ODF4: variants seen among roughly 807,000 people sequenced by gnomAD.
ODF4 encodes the protein outer dense fiber of sperm tails 4.
ODF4 carries 11 observed loss-of-function variants against 17.0 expected under a neutral mutation model. The observed-to-expected ratio is 0.65, with a 90% CI of 0.41 to 1.07. The LOEUF is 1.07. Ranked by LOEUF, ODF4 falls within the 50% of genes least tolerant of loss-of-function variation. The pLI is 0.00. For missense variants in ODF4, 281 were observed against 310.2 expected, an observed-to-expected ratio of 0.91 and a Z score of 0.71; for synonymous variants, 127 against 121.8, an observed-to-expected ratio of 1.04 and a Z score of -0.28.
At chr17:8,341,025 C>A (rs188967175) in intron 1 of ODF4, among the ~76,000 whole-genome samples, 1 of 152,112 alleles carries the variant, frequency 6.6e-6, no homozygotes, top group Non-Finnish European at 1.5e-5. Context: ...CCCGTCTCTA[C>A]TAAAAATACA....
Position 8,340,379 on chromosome 17 carries a change from A to G in ODF4, c.328A>G (p.Ser110Gly), listed in dbSNP as rs376563795. The G allele has an allele frequency of 6.2e-7, 1 of 1,613,484 alleles. No individual in the cohort carries two copies. ...FSKKWLDLSR[S>G]LFYQRWPVDV... ...CAAGAAATGGCTGGACCTCTCTAGG[A>G]GCCTCTTCTACCAGCGCTGGCCCGT... Residue 110 changes from serine (S) to glycine (G), a missense_variant, in exon 1 of 3, where the codon AGC becomes GGC. Coordinates refer to ENST00000328248, the MANE Select transcript of ODF4 (RefSeq NM_153007.5).
chr17:8,339,875 G>A lies in ODF4; in HGVS notation c.-177G>A, dbSNP rs1056327575. 1.4e-5 allele frequency: 6 copies of A among 441,264 alleles called. No homozygotes were observed. In the Admixed American group the frequency reaches 1.6e-4, roughly 12 times the overall value. 27.3% of individuals were successfully genotyped at this position (441,264 alleles called of 1,614,324 possible). On this transcript the variant is annotated 5_prime_UTR_variant, in exon 1 of 3. The change creates a premature stop within an existing upstream ORF in the 5' untranslated region. Transcript: ENST00000328248. Reference sequence around the variant, plus strand: ...GGGGACCTGGCCTGCTGAATGGGTTGGGGCCTTCTCTTGGATCAAGAGTCT... The same window carrying A: ...GGGGACCTGGCCTGCTGAATGGGTTAGGGCCTTCTCTTGGATCAAGAGTCT...
Position 8,340,139 on chromosome 17 carries a change from G to T in ODF4, c.88G>T (p.Gly30Trp), listed in dbSNP as rs771789381. 1.9e-6 allele frequency: 3 copies of T among 1,567,552 alleles called. No individual in the cohort carries two copies. Among genetic ancestry groups the T allele is most frequent in the South Asian group, 1.2e-5 (1 of 82,346 alleles). The change falls in exon 1 of 3, where the codon GGG (glycine) becomes TGG (tryptophan). Residue 30 changes from glycine (G) to tryptophan (W), a missense_variant. Coordinates refer to ENST00000328248, the MANE Select transcript of ODF4 (RefSeq NM_153007.5). ...HQRPGKERKS[G>W]EAGWGTGELG... ...GAGACCTGGAAAGGAAAGGAAGAGT[G>T]GGGAGGCAGGATGGGGCACAGGTGA...
rs1567687238 is a variant in ODF4 at position 8,340,339 on chromosome 17, G to A, written c.288G>A (p.Leu96=). The change falls in exon 1 of 3, where the codon TTG becomes TTA. Residue 96 remains leucine, a synonymous_variant. Transcript: ENST00000328248. ...ELSLVAFILL[L]VVAFSKKWLD... ...GCCTGGTTGCCTTTATCCTACTATT[G>A]GTCGTGGCCTTCTCCAAGAAATGGC... 1.2e-6 allele frequency: 2 copies of A among 1,612,962 alleles called. No individual in the cohort carries two copies. Among genetic ancestry groups the A allele is most frequent in the Non-Finnish European group, 1.7e-6 (2 of 1,179,504 alleles).
In ODF4 at chr17:8,345,860, T is replaced by G; in HGVS notation, c.*8T>G. On this transcript the variant is annotated 3_prime_UTR_variant, in exon 3 of 3. Coordinates refer to ENST00000328248, the MANE Select transcript of ODF4 (RefSeq NM_153007.5). The surrounding 1 kb of genome is among the most constrained non-coding windows in gnomAD (Gnocchi z 4.1). ...AAGGATACACATGTGTAATCTTTTC[T>G]GAACTCCTGGCACCAAGTTCTGTCC... is the stretch of plus-strand genomic sequence containing the variant. The G allele has an allele frequency of 6.2e-7, 1 of 1,611,504 alleles. No homozygotes were observed. Among genetic ancestry groups the G allele is most frequent in the Non-Finnish European group, 8.5e-7 (1 of 1,177,914 alleles).
In ODF4 at chr17:8,345,240, C is replaced by G. The variant is rs376923904; in HGVS notation, c.455-103C>G. Reference sequence around the variant, plus strand: ...TCCTGGAACCTCAGGGCCAGTCACTCTGTGTGTGGTGATGTGGTTTGTGGC... The same window carrying G: ...TCCTGGAACCTCAGGGCCAGTCACTGTGTGTGTGGTGATGTGGTTTGTGGC... On this transcript the variant is annotated intron_variant, in intron 1 of 2. Transcript: ENST00000328248. The surrounding 1 kb of genome is among the most constrained non-coding windows in gnomAD (Gnocchi z 4.1). The G allele has an allele frequency of 1.0e-4, 114 of 1,091,470 alleles. No individual in the cohort carries two copies. The South Asian group carries it at 1.6e-3, about 15-fold the overall frequency. The allele number at this position is 1,091,470 out of a possible 1,614,324, so 67.6% of individuals were successfully genotyped here.
chr17:8,344,749 C>T lies in ODF4; in HGVS notation c.455-594C>T, dbSNP rs542103488. 11 of 408,520 alleles carry T rather than the reference C, an allele frequency of 2.7e-5. No individual in the cohort carries two copies. The East Asian group carries it at 6.4e-4, about 24-fold the overall frequency. 25.3% of individuals were successfully genotyped at this position (408,520 alleles called of 1,614,324 possible). A position where few individuals can be genotyped will look rare whatever the true frequency, so the allele number is the denominator to read the frequency against. ...TGATCCACCTGCCTCGGCCTCCCAA[C>T]GTGCTAGGATTACAGGCGTGAGTCA... On this transcript the variant is annotated intron_variant, in intron 1 of 2. Coordinates refer to ENST00000328248, the MANE Select transcript of ODF4 (RefSeq NM_153007.5).
chr17:8,341,763 AT>A (rs1173913111), intron 1 of ODF4, among the ~76,000 whole-genome samples: 2 of 132,174 alleles, frequency 1.5e-5, no homozygotes, highest in African/African-American at 6.1e-5. Context: ...CCTTATTTCC[AT>A]TTTTTCACTC....
intron 1 of ODF4, among the ~76,000 whole-genome samples, chr17:8,343,843 T>C (rs1906124404): frequency 8.5e-6 from 1 of 117,542 alleles, no homozygotes; most frequent in Admixed American, 8.3e-5. Flanking sequence ...TGTGTGTGTG[T>C]GTGTGTCTAT....
chr17:8,342,561 G>A (rs1412965746), intron 1 of ODF4, among the ~76,000 whole-genome samples: 1 of 152,092 alleles, frequency 6.6e-6, no homozygotes. Flanking sequence ...AAACATCACT[G>A]ATTTTTAAAA....
In ODF4 at chr17:8,340,235, C is replaced by T. The variant is rs1427155757; in HGVS notation, c.184C>T (p.Gln62Ter). The change falls in exon 1 of 3, where the codon CAG (glutamine) becomes TAG (stop). Residue 62 changes from glutamine (Q) to a stop codon, truncating the protein, a stop_gained. Coordinates refer to ENST00000328248, the MANE Select transcript of ODF4 (RefSeq NM_153007.5). LOFTEE classifies it high-confidence loss of function. ...TAGTAACAGGTCCTTGGGCCAGCGC[C>T]AGAACTCTCCGCTGCCCTTTCAATG... The part of the protein sequence containing the change: ...LSSNRSLGQR[Q>*]NSPLPFQWRI... The T allele has an allele frequency of 1.3e-5, 21 of 1,614,054 alleles. No individual in the cohort carries two copies. In the South Asian group the frequency reaches 2.2e-4, roughly 17 times the overall value.
In ODF4 at chr17:8,345,427, G is replaced by T. The variant is rs779997174; in HGVS notation, c.539G>T (p.Gly180Val). The T allele has an allele frequency of 2.5e-6, 4 of 1,613,860 alleles. No individual in the cohort carries two copies. The highest frequency in any genetic ancestry group is 3.4e-6 in the Non-Finnish European group (4 of 1,179,884). ...GAAAGGAATGTATCCATCCCCATAG[G>T]CTGGAGCTATTTCATTGGTTGGCTG... ...ELERNVSIPIGWSYFIGWLVL... is the reference protein window; with the variant it reads ...ELERNVSIPIVWSYFIGWLVL... Residue 180 changes from glycine to valine, a missense_variant, in exon 2 of 3, where the codon GGC becomes GTC. Gly to Val is a moderately radical substitution (Grantham distance 109). Coordinates refer to ENST00000328248, the MANE Select transcript of ODF4 (RefSeq NM_153007.5). The surrounding 1 kb of genome is among the most constrained non-coding windows in gnomAD (Gnocchi z 4.1).
chr17:8,343,047 A>C (rs1597476574), intron 1 of ODF4, among the ~76,000 whole-genome samples: 1 of 151,878 alleles, frequency 6.6e-6, no homozygotes, highest in Admixed American at 6.6e-5. Flanking sequence ...ACCTATCACC[A>C]TTTTAAATGA....
intron 1 of ODF4, among the ~76,000 whole-genome samples, chr17:8,344,545 G>A (rs1269113832): frequency 7.9e-6 from 1 of 126,940 alleles, no homozygotes; most frequent in Admixed American, 7.5e-5. Flanking sequence ...TGTTGCCCAG[G>A]CTGGAGTGCA....
rs1245714213 is a variant in ODF4, at chr17:8,345,638, TTCCTC to T, written c.590-26_590-22del. On this transcript the variant is annotated intron_variant, in intron 2 of 2. Coordinates refer to ENST00000328248, the MANE Select transcript of ODF4 (RefSeq NM_153007.5). This position sits in a 1 kb window ranked among gnomAD's most constrained non-coding sequence, Gnocchi z 4.1. ...GTCACTTAACCTCCCAGTCACAACT[TTCCTC>T]TCCCCTGTCCCTGTCCTTTCCCAGC... 5.6e-6 allele frequency: 9 copies of T among 1,602,932 alleles called. No homozygotes were observed. In the Middle Eastern group the frequency reaches 5.0e-4, roughly 89 times the overall value.
chr17:8,343,609 G>A lies in ODF4; in HGVS notation c.455-1734G>A, dbSNP rs559582671. Reference sequence around the variant, plus strand: ...TGCTGCCCACCAGGAGCGTATGAGAGGACCTCTTTTCTCTACATACTCTCC... The same window carrying A: ...TGCTGCCCACCAGGAGCGTATGAGAAGACCTCTTTTCTCTACATACTCTCC... On this transcript the variant is annotated intron_variant, in intron 1 of 2. Coordinates refer to ENST00000328248, the MANE Select transcript of ODF4 (RefSeq NM_153007.5). 4.7e-5 allele frequency among the ~76,000 whole-genome samples: 6 copies of A among 127,148 alleles called. 1 individual carries two copies. In the East Asian group the frequency reaches 1.4e-3, roughly 29 times the overall value. The allele number at this position is 127,148 out of a possible 152,430, so 83.4% of individuals were successfully genotyped here.
Position 8,345,586 on chromosome 17 carries a change from T to C in ODF4, c.590-82T>C, listed in dbSNP as rs1477596052. On this transcript the variant is annotated intron_variant, in intron 2 of 2. Coordinates refer to ENST00000328248, the MANE Select transcript of ODF4 (RefSeq NM_153007.5). The surrounding 1 kb of genome is among the most constrained non-coding windows in gnomAD (Gnocchi z 4.1). The stretch of plus-strand genomic sequence containing the variant: ...CCCCAGGGCTAGATTTTTAGGGTCT[T>C]ATCTTCCCTTTGGTCTCACCCTACT... The C allele has an allele frequency of 3.3e-6, 5 of 1,528,370 alleles. No homozygotes were observed. Among genetic ancestry groups the C allele is most frequent in the Non-Finnish European group, 4.5e-6 (5 of 1,111,700 alleles). 94.7% of individuals were successfully genotyped at this position (1,528,370 alleles called of 1,614,324 possible).
At chr17:8,342,513 GGCTCAC>G (rs78878207) in intron 1 of ODF4, among the ~76,000 whole-genome samples, 52,601 of 151,902 alleles carry the variant, frequency 0.35, 9,447 homozygotes, top group African/African-American at 0.45. Flanking sequence ...AAAGTGCCTC[GGCTCAC>G]GGATTACAGG....
chr17:8,340,288 G>A lies in ODF4; in HGVS notation c.237G>A (p.Met79Ile). Residue 79 changes from methionine (M) to isoleucine (I), a missense_variant, in exon 1 of 3, where the codon ATG (methionine) becomes ATA (isoleucine). Transcript: ENST00000328248. ...QWRITHSFRW[M>I]AQVLASELSL... ...GAATCACACACAGCTTCCGCTGGAT[G>A]GCCCAGGTGTTGGCCTCTGAGCTCA... The A allele has an allele frequency of 6.2e-7, 1 of 1,613,976 alleles. No individual in the cohort carries two copies. The highest frequency in any genetic ancestry group is 8.5e-7 in the Non-Finnish European group (1 of 1,179,914).
Sources: gnomAD v4.1 joint callset for allele counts (sites outside exome capture counted in the v4.1 genomes callset) on GRCh38, gnomAD v4.1.1 for gene constraint, Gnocchi (gnomAD v3.1) non-coding constraint, MANE v1.5 for transcripts, NCBI Gene and HGNC (gene_info 2026-07-23, HGNC 2026-07-21) for gene names.